EVL: variants seen among roughly 807,000 people sequenced by gnomAD.
EVL encodes the protein ena/VASP-like protein.
Under a neutral mutation model 59.6 loss-of-function variants are expected in EVL, and 21 were observed. The ratio of observed to expected loss-of-function variants is 0.35; its 90% CI spans 0.25 to 0.51. The LOEUF (loss-of-function observed/expected upper bound fraction) is 0.51, where lower values mean the gene tolerates loss of function less well. EVL is among the 20% of genes least tolerant of loss of function. The probability of loss-of-function intolerance (pLI) is 0.97; values close to 1 mark genes in which losing one functional copy is unlikely to be tolerated. For missense variants in EVL, 462 were observed against 546.6 expected, an observed-to-expected ratio of 0.85 and a Z score of 1.54; for synonymous variants, 198 against 203.5, an observed-to-expected ratio of 0.97 and a Z score of 0.23.
chr14:100,137,838 G>A (rs1888907764), intron 11 of EVL, 36 bp downstream of exon 11: 1 of 1,603,120 alleles, frequency 6.2e-7, no homozygotes, highest in African/African-American at 1.3e-5. Context: ...TGTCCCCCAG[G>A]GTTTGGGGCT....
intron 1 of EVL, among the ~76,000 whole-genome samples, chr14:99,973,288 C>T (rs928585212): frequency 6.6e-6 from 1 of 152,224 alleles, no homozygotes. Flanking sequence ...TCCTTCTCAA[C>T]ACTTGGTATT....
chr14:100,050,352 TATTTA>T (rs897813912), intron 1 of EVL, among the ~76,000 whole-genome samples: 1 of 28,894 alleles, frequency 3.5e-5, no homozygotes, highest in African/African-American at 1.1e-4. Flanking sequence ...TTTATTTATT[TATTTA>T]TTTATTTTTT....
intron 1 of EVL, among the ~76,000 whole-genome samples, chr14:100,032,270 T>C (rs1241474058): frequency 6.6e-6 from 1 of 152,162 alleles, no homozygotes; most frequent in Admixed American, 6.5e-5. Flanking sequence ...TCCACCTTTT[T>C]GGGGAGTGAA....
chr14:100,081,733 C>T (rs2062312499), intron 1 of EVL, among the ~76,000 whole-genome samples: 1 of 152,152 alleles, frequency 6.6e-6, no homozygotes, highest in African/African-American at 2.4e-5. Context: ...TGCTCAGCTG[C>T]CTGTCTCTTC....
chr14:100,135,032 C>T (rs771577714), intron 8 of EVL: 21 of 152,248 alleles, frequency 1.4e-4, no homozygotes, highest in Non-Finnish European at 2.2e-4. Flanking sequence ...CCCTGTATCG[C>T]TTTCATCGTG....
chr14:100,116,189 C>T (rs947891574), intron 3 of EVL, among the ~76,000 whole-genome samples: 2 of 152,144 alleles, frequency 1.3e-5, no homozygotes, highest in Admixed American at 6.5e-5. Context: ...GAAAGGTGTG[C>T]CGGGGATGGC....
intron 9 of EVL, chr14:100,136,997 T>C (rs1888835217): frequency 7.6e-6 from 1 of 132,002 alleles, no homozygotes; most frequent in South Asian, 2.4e-4. Context: ...AAGGCTTAGC[T>C]CTGGGCCAGG....
At chr14:100,046,109 A>G (rs1399072339) in intron 1 of EVL, among the ~76,000 whole-genome samples, 2 of 152,206 alleles carry the variant, frequency 1.3e-5, no homozygotes, top group African/African-American at 4.8e-5. Flanking sequence ...GAGATAGCCA[A>G]ATGATAAGAA....
At chr14:99,979,336 T>G (rs757508626) in intron 1 of EVL, among the ~76,000 whole-genome samples, 15 of 152,198 alleles carry the variant, frequency 9.9e-5, no homozygotes, top group Non-Finnish European at 2.1e-4. Context: ...TTCTCTTCTG[T>G]GAACATTTTC....
At chr14:100,116,751 A>G (rs947042957) in intron 3 of EVL, among the ~76,000 whole-genome samples, 1 of 152,202 alleles carries the variant, frequency 6.6e-6, no homozygotes, top group East Asian at 1.9e-4. Context: ...ATGATTTGGA[A>G]ATTCAGAGAG....
At chr14:100,026,394 T>TTGGCCGGGCGCGGTGGCTCACG (rs1170453675) in intron 1 of EVL, among the ~76,000 whole-genome samples, 10 of 151,374 alleles carry the variant, frequency 6.6e-5, no homozygotes, top group East Asian at 6.0e-4. Context: ...AGGGAATCAG[T>TTGGCCGGGCGCGGTGGCTCACG]CAGTTTCAGT....
intron 2 of EVL, among the ~76,000 whole-genome samples, chr14:100,086,574 G>A (rs886953546): frequency 1.3e-5 from 2 of 152,214 alleles, no homozygotes; most frequent in South Asian, 2.1e-4. Context: ...GCATGGGAAG[G>A]GAGAGCTCCC....
intron 6 of EVL, 44 bp from the exon 7 acceptor site, chr14:100,129,519 G>T: frequency 6.2e-7 from 1 of 1,610,314 alleles, no homozygotes; most frequent in Non-Finnish European, 8.5e-7. Flanking sequence ...CTCCTGTTCT[G>T]CCATCAGCAG....
Position 100,085,507 on chromosome 14 carries a change from TCTCC to T in EVL, c.180+657_180+660del, listed in dbSNP as rs550924240. 8.3e-4 allele frequency among the ~76,000 whole-genome samples: 126 copies of T among 152,268 alleles called. No homozygotes were observed. The Middle Eastern group carries it at 0.01, about 12-fold the overall frequency. On this transcript the variant is annotated intron_variant, in intron 2 of 13. Coordinates refer to ENST00000392920, the MANE Select transcript of EVL (RefSeq NM_016337.3). ...ACAGTGACTTTGGTTAGTTCGGTGCTCTCCCTCCAACTCTCTTCTTATAGATTGA... is the reference window on the plus strand; with the variant it reads ...ACAGTGACTTTGGTTAGTTCGGTGCTCTCCAACTCTCTTCTTATAGATTGA...
intron 3 of EVL, among the ~76,000 whole-genome samples, chr14:100,104,557 G>A (rs1289206262): frequency 6.6e-6 from 1 of 152,226 alleles, no homozygotes; most frequent in East Asian, 1.9e-4. Context: ...AGGGCCCCAG[G>A]GCAAAAGATG....
At chr14:100,096,912 C>T (rs978442751) in intron 2 of EVL, 7 of 152,526 alleles carry the variant, frequency 4.6e-5, no homozygotes, top group Admixed American at 4.6e-4. Context: ...GGTACATAAA[C>T]TTTCCCAAGT....
intron 2 of EVL, among the ~76,000 whole-genome samples, chr14:100,089,615 G>A (rs2062520259): frequency 6.6e-6 from 1 of 152,220 alleles, no homozygotes; most frequent in Non-Finnish European, 1.5e-5. Context: ...ATACTTGTGG[G>A]ACGCAGCTAG....
intron 1 of EVL, among the ~76,000 whole-genome samples, chr14:100,001,311 T>C (rs2060944872): frequency 6.6e-6 from 1 of 152,176 alleles, no homozygotes; most frequent in African/African-American, 2.4e-5. Flanking sequence ...AACATTATTT[T>C]GGAAACTTAT....
chr14:99,978,187 A>T (rs1477937507), intron 1 of EVL: 2 of 151,432 alleles, frequency 1.3e-5, no homozygotes, highest in African/African-American at 4.9e-5. Flanking sequence ...TCACGAGGTC[A>T]GGAGATCGAG....
Sources: allele counts gnomAD v4.1 joint callset (sites outside exome capture counted in the v4.1 genomes callset), GRCh38; gene constraint gnomAD v4.1.1; transcripts MANE v1.5; gene names NCBI Gene and HGNC (gene_info 2026-07-23, HGNC 2026-07-21).